The following NPHP4 variants were observed in gnomAD, a reference collection of about 807,000 sequenced individuals.
NPHP4 encodes nephrocystin 4, also known as nephrocystin-4.
In NPHP4, 151 loss-of-function variants were observed where a neutral mutation model predicts 155.8. The ratio of observed to expected loss-of-function variants is 0.97; its 90% confidence interval spans 0.85 to 1.11. The LOEUF is 1.11. Among genes scored for constraint, NPHP4 ranks in the 50% least tolerant of loss-of-function variants. NPHP4 has a pLI of 0.00. For missense variants in NPHP4, 1,956 were observed against 1,925.7 expected (o/e 1.02, Z -0.29); for synonymous variants, 845 against 816.8 (o/e 1.03, Z -0.59).
chr1:5,884,061 T>C (rs1307575916), intron 18 of NPHP4, among the ~76,000 whole-genome samples: 2 of 152,162 alleles, frequency 1.3e-5, no homozygotes, highest in Non-Finnish European at 2.9e-5. Context: ...TACACTTGCA[T>C]GCTCACTCAA....
At position 5,929,798 on chromosome 1, in the gene NPHP4, A is replaced by G. The variant is rs1270439724; in HGVS notation, c.1303-2011T>C. On this transcript the variant is annotated intron_variant, in intron 10 of 29. Coordinates refer to ENST00000378156, the MANE Select transcript of NPHP4 (RefSeq NM_015102.5). The stretch of plus-strand genomic sequence containing the variant: ...TTAATATTATTTTTCTGGTTTTGAT[A>G]TCAGGGTAATGCTGGCTTCATTTCA... Among the ~76,000 whole-genome samples, 3 of 152,162 alleles carry G rather than the reference A, an allele frequency of 2.0e-5. No individual in the cohort carries two copies. The South Asian group carries it at 6.2e-4, about 31-fold the overall frequency.
chr1:5,985,295 C>A (rs193186600), intron 2 of NPHP4, among the ~76,000 whole-genome samples: 17 of 152,368 alleles, frequency 1.1e-4, no homozygotes, highest in African/African-American at 4.1e-4. Flanking sequence ...GCATTCCCAC[C>A]GGCCACTGGG....
intron 1 of NPHP4, among the ~76,000 whole-genome samples, chr1:5,991,122 T>A (rs1485022484): frequency 6.6e-6 from 1 of 151,464 alleles, no homozygotes; most frequent in East Asian, 1.9e-4. Context: ...GAATGGAAAA[T>A]GTGTAATGCC....
At chr1:5,940,792 C>T (rs1217366905) in intron 9 of NPHP4, among the ~76,000 whole-genome samples, 3 of 152,084 alleles carry the variant, frequency 2.0e-5, no homozygotes, top group East Asian at 1.9e-4. Context: ...CTGAAAGACA[C>T]AAAAATAGAC....
intron 27 of NPHP4, 22 bp from the exon 28 acceptor site, chr1:5,864,539 G>C: frequency 6.6e-7 from 1 of 1,505,906 alleles, no homozygotes; most frequent in Non-Finnish European, 8.9e-7. Flanking sequence ...AGAGAGGCGG[G>C]TCAGAGCACA....
In NPHP4 at chr1:5,905,516, G is replaced by A. The variant is rs370806820; in HGVS notation, c.1764-33C>T. 2.0e-5 allele frequency: 32 copies of A among 1,595,082 alleles called. No homozygotes were observed. The African/African-American group carries it at 2.0e-4, about 10-fold the overall frequency. On this transcript the variant is annotated intron_variant, in intron 14 of 29. Transcript: ENST00000378156. This position sits in a 1 kb window ranked among gnomAD's most constrained non-coding sequence, Gnocchi z 4.0. The stretch of plus-strand genomic sequence containing the variant: ...ACAGAGACTCCTCAGGTAGCCTCCC[G>A]GGAAAGGGGGGACCCATTGATGCAC...
At position 5,874,945 on chromosome 1, in the gene NPHP4, A is replaced by C. The variant is rs748135405; in HGVS notation, c.2973T>G (p.Phe991Leu). ...LHATLGVAEF[F>L]EFVLKNPHNT... ...TGTGGGGGTTCTTAAGCACAAACTC[A>C]AAGAACTCGGCGACCCCCAGCGTGG... Residue 991 changes from phenylalanine to leucine, a missense_variant, in exon 21 of 30, where the codon TTT becomes TTG. Coordinates refer to ENST00000378156, the MANE Select transcript of NPHP4 (RefSeq NM_015102.5). 1 of 1,613,330 alleles carries C rather than the reference A, an allele frequency of 6.2e-7. No homozygotes were observed. Among genetic ancestry groups the C allele is most frequent in the African/African-American group, 1.3e-5 (1 of 74,836 alleles).
intron 16 of NPHP4, among the ~76,000 whole-genome samples, chr1:5,891,561 G>A (rs897104786): frequency 6.6e-6 from 1 of 152,278 alleles, no homozygotes; most frequent in African/African-American, 2.4e-5. Context: ...CAGGCTAAGA[G>A]ATGGGAACTG....
At chr1:5,949,343 T>TACATACACACACACAC (rs1553187009) in intron 7 of NPHP4, among the ~76,000 whole-genome samples, 8 of 140,788 alleles carry the variant, frequency 5.7e-5, no homozygotes, top group East Asian at 4.2e-4. Context: ...TTCACATACA[T>TACATACACACACACAC]ACACACACAC....
At chr1:5,960,012 G>A (rs1650010329) in intron 6 of NPHP4, among the ~76,000 whole-genome samples, 2 of 152,200 alleles carry the variant, frequency 1.3e-5, no homozygotes, top group South Asian at 4.1e-4. Context: ...GGCCCTCCCT[G>A]GCCAGCAGAA....
chr1:5,947,608 T>C (rs1220569945), intron 8 of NPHP4, among the ~76,000 whole-genome samples: 2 of 152,242 alleles, frequency 1.3e-5, no homozygotes. Context: ...TCCTCAAGGC[T>C]GGCCTACGGC....
Position 5,890,148 on chromosome 1 carries a change from G to T in NPHP4, c.2304+720C>A, listed in dbSNP as rs866500093. 6.6e-6 allele frequency among the ~76,000 whole-genome samples: 1 copy of T among 152,162 alleles called. No homozygotes were observed. The highest frequency in any genetic ancestry group is 1.5e-5 in the Non-Finnish European group (1 of 68,024). ...AGGAATCCAGGAGGAAAGCAGCTAT[G>T]CGGCACTCAAGAAAAGTGGGGAAAT... is the stretch of plus-strand genomic sequence containing the variant. On this transcript the variant is annotated intron_variant, in intron 17 of 29. Coordinates refer to ENST00000378156, the MANE Select transcript of NPHP4 (RefSeq NM_015102.5). The surrounding 1 kb of genome is among the most constrained non-coding windows in gnomAD (Gnocchi z 4.9).
chr1:5,955,005 A>G (rs1648905107), intron 6 of NPHP4, among the ~76,000 whole-genome samples: 1 of 152,096 alleles, frequency 6.6e-6, no homozygotes, highest in South Asian at 2.1e-4. Flanking sequence ...TCCAGAATAC[A>G]TAAGGAATTT....
rs200378192 is a variant in NPHP4 at position 5,933,257 on chromosome 1, G to T, written c.1192C>A (p.Leu398Met). 8.1e-6 allele frequency: 13 copies of T among 1,613,860 alleles called. No individual in the cohort carries two copies. In the Admixed American group the frequency reaches 1.0e-4, roughly 12 times the overall value. ...GTCACCCTTCCAGAATCAGCTTCCA[G>T]CAAGGGGTTCCAAACAGCCCAGCGG... ...MVRWAVWNPLLEADSGRVTLP... is the reference protein window; with the variant it reads ...MVRWAVWNPLMEADSGRVTLP... Residue 398 changes from leucine (L) to methionine (M), a missense_variant, in exon 10 of 30, where the codon CTG (leucine) becomes ATG (methionine). Coordinates refer to ENST00000378156, the MANE Select transcript of NPHP4 (RefSeq NM_015102.5).
chr1:5,911,945 T>C (rs1252856514), intron 11 of NPHP4, among the ~76,000 whole-genome samples: 3 of 152,132 alleles, frequency 2.0e-5, no homozygotes, highest in African/African-American at 4.8e-5. Context: ...CTGGGAAGCC[T>C]GACTTCCGCC....
chr1:5,888,640 AC>A (rs1350229315), intron 17 of NPHP4: 1 of 1,333,388 alleles, frequency 7.5e-7, no homozygotes. Context: ...AATACAAGAA[AC>A]CATGTCAGCT....
chr1:5,991,112 G>A (rs1211785894), intron 1 of NPHP4, among the ~76,000 whole-genome samples: 2 of 151,886 alleles, frequency 1.3e-5, no homozygotes, highest in Admixed American at 1.3e-4. Context: ...CTCCTTCCCG[G>A]AATGGAAAAT....
rs551594938 is a variant in NPHP4 at position 5,880,487 on chromosome 1, G to A, written c.2486-248C>T. 1.6e-4 allele frequency: 78 copies of A among 494,574 alleles called. 1 individual carries two copies. The highest frequency in any genetic ancestry group is 1.1e-3 in the South Asian group (49 of 42,998). 30.6% of individuals were successfully genotyped at this position (494,574 alleles called of 1,614,324 possible). Reference sequence around the variant, plus strand: ...GTGGCAGCCTCCGTTTCCTGGTGACGAATGAAAGCGTGTGGCACTCACAGT... The same window carrying A: ...GTGGCAGCCTCCGTTTCCTGGTGACAAATGAAAGCGTGTGGCACTCACAGT... On this transcript the variant is annotated intron_variant, in intron 18 of 29. Coordinates refer to ENST00000378156, the MANE Select transcript of NPHP4 (RefSeq NM_015102.5).
chr1:5,911,179 C>T (rs1645162036), intron 11 of NPHP4, among the ~76,000 whole-genome samples: 1 of 152,178 alleles, frequency 6.6e-6, no homozygotes. Flanking sequence ...CTGCAGGGGC[C>T]CAGCTGTCCT....
Sources: gnomAD v4.1 joint callset for allele counts (sites outside exome capture counted in the v4.1 genomes callset) on GRCh38, gnomAD v4.1.1 for gene constraint, Gnocchi (gnomAD v3.1) non-coding constraint, MANE v1.5 for transcripts, NCBI Gene and HGNC (gene_info 2026-07-23, HGNC 2026-07-21) for gene names.